The following RAPGEF4 variants were observed in gnomAD, a reference collection of about 807,000 sequenced individuals.
RAPGEF4 encodes Rap guanine nucleotide exchange factor 4.
A neutral mutation model predicts 147.9 loss-of-function variants in RAPGEF4; 66 were observed. That is an observed-to-expected ratio of 0.45 (90% confidence interval 0.37 to 0.55). The LOEUF (loss-of-function observed/expected upper bound fraction) is 0.55, where lower values mean the gene tolerates loss of function less well. RAPGEF4 is among the 20% of genes least tolerant of loss of function. RAPGEF4 has a pLI of 0.00. For missense variants in RAPGEF4, 1,071 were observed against 1,257.3 expected, an observed-to-expected ratio of 0.85 and a Z score of 2.24; for synonymous variants, 419 against 442.7, an observed-to-expected ratio of 0.95 and a Z score of 0.67.
chr2:172,907,076 T>A (rs1699702148), intron 4 of RAPGEF4, among the ~76,000 whole-genome samples: 2 of 152,140 alleles, frequency 1.3e-5, no homozygotes, highest in Non-Finnish European at 2.9e-5. Flanking sequence ...CCTTCCCCAG[T>A]CTGGTGGTTG....
chr2:172,900,648 C>G (rs1184476662), intron 4 of RAPGEF4, among the ~76,000 whole-genome samples: 1 of 152,078 alleles, frequency 6.6e-6, no homozygotes, highest in Non-Finnish European at 1.5e-5. Context: ...ACATTTTGCC[C>G]CATTAGCACC....
intron 22 of RAPGEF4, among the ~76,000 whole-genome samples, chr2:173,019,277 T>G (rs1296598935): frequency 1.3e-5 from 2 of 152,242 alleles, no homozygotes; most frequent in Non-Finnish European, 2.9e-5. Flanking sequence ...GAGGAATATT[T>G]TTCCTCCACG....
At chr2:172,801,153 G>T (rs556814692) in intron 3 of RAPGEF4, among the ~76,000 whole-genome samples, 1 of 152,178 alleles carries the variant, frequency 6.6e-6, no homozygotes, top group African/African-American at 2.4e-5. Context: ...GGGCCACACA[G>T]GTGTACATGG....
At chr2:172,896,900 A>G (rs537449132) in intron 4 of RAPGEF4, among the ~76,000 whole-genome samples, 101 of 152,276 alleles carry the variant, frequency 6.6e-4, no homozygotes, top group African/African-American at 2.0e-3. Context: ...TCTGCATGCT[A>G]TAGGTACTGA....
At chr2:172,942,348 C>G (rs1397937832) in intron 6 of RAPGEF4, among the ~76,000 whole-genome samples, 1 of 151,460 alleles carries the variant, frequency 6.6e-6, no homozygotes, top group Non-Finnish European at 1.5e-5. Context: ...TCAGAACCAC[C>G]ATCTGCTTTC....
chr2:172,850,004 A>G (rs1320645620), intron 4 of RAPGEF4, among the ~76,000 whole-genome samples: 4 of 152,168 alleles, frequency 2.6e-5, no homozygotes, highest in African/African-American at 9.6e-5. Flanking sequence ...ACAGGCTCAC[A>G]GGGGAATCAA....
intron 10 of RAPGEF4, among the ~76,000 whole-genome samples, chr2:172,975,766 C>T (rs1194845347): frequency 2.0e-5 from 3 of 152,194 alleles, no homozygotes; most frequent in Non-Finnish European, 2.9e-5. Context: ...TATATTTCAT[C>T]CTCAAAGGCA....
At chr2:172,961,482 G>T (rs934050752) in intron 8 of RAPGEF4, among the ~76,000 whole-genome samples, 2 of 152,126 alleles carry the variant, frequency 1.3e-5, no homozygotes, top group African/African-American at 4.8e-5. Flanking sequence ...GAAAATTTTT[G>T]TAATTTCTTT....
intron 6 of RAPGEF4, among the ~76,000 whole-genome samples, chr2:172,937,477 G>T (rs1294179408): frequency 6.6e-6 from 1 of 152,116 alleles, no homozygotes; most frequent in Non-Finnish European, 1.5e-5. Context: ...TTAGACTGGG[G>T]CTAGGGGTTT....
intron 4 of RAPGEF4, among the ~76,000 whole-genome samples, chr2:172,884,959 A>T (rs1334688185): frequency 6.6e-6 from 1 of 152,170 alleles, no homozygotes. Context: ...CTCTCCGTAT[A>T]CCCTTGGCCT....
At chr2:173,048,378 C>A in intron 29 of RAPGEF4, 1 of 945,588 alleles carries the variant, frequency 1.1e-6, no homozygotes, top group Non-Finnish European at 1.4e-6. Flanking sequence ...GAGAGTTATG[C>A]CATTAATATT....
chr2:173,019,087 G>C (rs755401489), intron 22 of RAPGEF4, among the ~76,000 whole-genome samples: 7 of 152,132 alleles, frequency 4.6e-5, no homozygotes, highest in Non-Finnish European at 8.8e-5. Context: ...ATTCAAAAAA[G>C]TTTTAGGCCT....
intron 1 of RAPGEF4, among the ~76,000 whole-genome samples, chr2:172,779,262 T>C (rs1289361913): frequency 1.3e-5 from 2 of 152,202 alleles, no homozygotes; most frequent in Non-Finnish European, 2.9e-5. Flanking sequence ...TGTTAGAAGC[T>C]GTTACGTGCT....
chr2:172,952,213 A>G (rs1688274842), intron 6 of RAPGEF4, among the ~76,000 whole-genome samples: 1 of 152,154 alleles, frequency 6.6e-6, no homozygotes, highest in Non-Finnish European at 1.5e-5. Flanking sequence ...GGGAAATGTC[A>G]TAGTGTTCCA....
In RAPGEF4 at chr2:173,019,141, A is replaced by C. The variant is rs1695792789; in HGVS notation, c.2155+339A>C. Reference sequence around the variant, plus strand: ...GGGCCCCAAGAGGAAATCTAGCTGGACAAGCTCAAGGCCATGGGTTTCTAC... The same window carrying C: ...GGGCCCCAAGAGGAAATCTAGCTGGCCAAGCTCAAGGCCATGGGTTTCTAC... On this transcript the variant is annotated intron_variant, in intron 22 of 30. Coordinates refer to ENST00000397081, the MANE Select transcript of RAPGEF4 (RefSeq NM_007023.4). 2.0e-5 allele frequency among the ~76,000 whole-genome samples: 3 copies of C among 152,210 alleles called. No homozygotes were observed. The South Asian group carries it at 6.2e-4, about 32-fold the overall frequency.
At chr2:172,896,705 A>C (rs1698513920) in intron 4 of RAPGEF4, among the ~76,000 whole-genome samples, 1 of 152,136 alleles carries the variant, frequency 6.6e-6, no homozygotes, top group Non-Finnish European at 1.5e-5. Flanking sequence ...GGCTTGGCAG[A>C]GGGCATTGTG....
chr2:173,001,531 G>A (rs1041412789), intron 17 of RAPGEF4, among the ~76,000 whole-genome samples, 187 bp downstream of exon 17: 3 of 152,122 alleles, frequency 2.0e-5, no homozygotes, highest in Non-Finnish European at 4.4e-5. Context: ...CTCTAGCTCT[G>A]CCTGGCAGAG....
chr2:172,927,391 C>T (rs1685477686), intron 6 of RAPGEF4, among the ~76,000 whole-genome samples: 1 of 152,114 alleles, frequency 6.6e-6, no homozygotes, highest in African/African-American at 2.4e-5. Flanking sequence ...TATATGACAA[C>T]ATTTTATCAC....
chr2:172,812,798 A>C (rs1688152850), intron 3 of RAPGEF4, among the ~76,000 whole-genome samples: 1 of 152,226 alleles, frequency 6.6e-6, no homozygotes, highest in African/African-American at 2.4e-5. Flanking sequence ...TGATAGAAAA[A>C]TGAAATAGGC....
Sources: allele counts gnomAD v4.1 joint callset (sites outside exome capture counted in the v4.1 genomes callset), GRCh38; gene constraint gnomAD v4.1.1; transcripts MANE v1.5; gene names NCBI Gene and HGNC (gene_info 2026-07-23, HGNC 2026-07-21).